The following LRMDA variants were observed in gnomAD, a reference collection of about 807,000 sequenced individuals.
LRMDA encodes leucine rich melanocyte differentiation associated, also known as leucine-rich melanocyte differentiation-associated protein.
In LRMDA, 18 loss-of-function variants were observed where a neutral mutation model predicts 29.8. The observed-to-expected ratio is 0.60, with a 90% CI of 0.42 to 0.90. LRMDA has a LOEUF of 0.90. LRMDA is among the 40% of genes least tolerant of loss of function. LRMDA has a pLI of 0.00. For synonymous variants in LRMDA, 125 were observed against 109.4 expected, an observed-to-expected ratio of 1.14 and a Z score of -0.89; for missense variants, 273 against 273.9, an observed-to-expected ratio of 1.00 and a Z score of 0.02.
At chr10:76,199,869 A>G (rs969590252) in intron 5 of LRMDA, among the ~76,000 whole-genome samples, 1 of 152,234 alleles carries the variant, frequency 6.6e-6, no homozygotes, top group African/African-American at 2.4e-5. Flanking sequence ...TGTGATGCAC[A>G]TTGAAACCTC....
At chr10:75,683,252 G>T (rs1175463580) in intron 2 of LRMDA, among the ~76,000 whole-genome samples, 1 of 152,124 alleles carries the variant, frequency 6.6e-6, no homozygotes, top group African/African-American at 2.4e-5. Flanking sequence ...AATTTCCTAG[G>T]CTCTCATGGT....
chr10:76,469,818 A>C (rs1842599992), intron 6 of LRMDA, among the ~76,000 whole-genome samples: 1 of 152,080 alleles, frequency 6.6e-6, no homozygotes, highest in Non-Finnish European at 1.5e-5. Context: ...TAGCCTCAAA[A>C]ACTTCCCCTA....
At chr10:75,495,804 G>T (rs1433711967) in intron 2 of LRMDA, among the ~76,000 whole-genome samples, 1 of 152,226 alleles carries the variant, frequency 6.6e-6, no homozygotes, top group Non-Finnish European at 1.5e-5. Context: ...CCTCGGGGTG[G>T]CTGGATTTTT....
At chr10:76,288,449 A>G (rs1053884186) in intron 5 of LRMDA, among the ~76,000 whole-genome samples, 1 of 152,212 alleles carries the variant, frequency 6.6e-6, no homozygotes, top group Non-Finnish European at 1.5e-5. Flanking sequence ...ATGGAATACT[A>G]TGCAGCCACA....
At chr10:75,678,089 T>C (rs1258143837) in intron 2 of LRMDA, among the ~76,000 whole-genome samples, 1 of 152,078 alleles carries the variant, frequency 6.6e-6, no homozygotes, top group African/African-American at 2.4e-5. Flanking sequence ...CACACAGAAA[T>C]ATTCATACAT....
intron 5 of LRMDA, among the ~76,000 whole-genome samples, chr10:76,094,305 A>G (rs1849279979): frequency 6.6e-6 from 1 of 152,246 alleles, no homozygotes; most frequent in Non-Finnish European, 1.5e-5. Flanking sequence ...AATAAAGCTT[A>G]TATTTAGAAA....
intron 6 of LRMDA, among the ~76,000 whole-genome samples, chr10:76,372,161 T>C (rs1430808196): frequency 1.3e-5 from 2 of 152,172 alleles, no homozygotes; most frequent in African/African-American, 4.8e-5. Flanking sequence ...GTAAGATGGG[T>C]ATCAGTTCAC....
At chr10:76,304,788 G>A (rs1564717422) in intron 5 of LRMDA, among the ~76,000 whole-genome samples, 2 of 152,220 alleles carry the variant, frequency 1.3e-5, no homozygotes, top group Non-Finnish European at 2.9e-5. Flanking sequence ...GGCAAAGCAT[G>A]TTGGGAGGGA....
At chr10:75,947,536 G>A (rs948288694) in intron 2 of LRMDA, among the ~76,000 whole-genome samples, 4 of 152,196 alleles carry the variant, frequency 2.6e-5, no homozygotes, top group Non-Finnish European at 5.9e-5. Flanking sequence ...GGGAAGGGGA[G>A]GGACCCTTGG....
chr10:76,546,759 AC>A (rs1338782498), intron 6 of LRMDA, among the ~76,000 whole-genome samples: 2 of 151,136 alleles, frequency 1.3e-5, no homozygotes, highest in Non-Finnish European at 2.9e-5. Flanking sequence ...AGAATGTTAT[AC>A]CTTTATTGCT....
intron 2 of LRMDA, among the ~76,000 whole-genome samples, chr10:75,642,054 T>A (rs1841460689): frequency 6.6e-6 from 1 of 152,056 alleles, no homozygotes; most frequent in African/African-American, 2.4e-5. Flanking sequence ...CATCCAAGGG[T>A]CTCTTTCCTT....
intron 6 of LRMDA, among the ~76,000 whole-genome samples, chr10:76,330,541 A>G (rs904540012): frequency 3.3e-5 from 5 of 152,164 alleles, no homozygotes; most frequent in African/African-American, 1.2e-4. Flanking sequence ...TTTAAGGGAT[A>G]GGATTCTAGT....
intron 5 of LRMDA, among the ~76,000 whole-genome samples, chr10:76,221,138 A>G (rs1210240080): frequency 2.6e-5 from 4 of 152,034 alleles, no homozygotes; most frequent in East Asian, 1.9e-4. Flanking sequence ...AATAAGAGCT[A>G]TCTATGACAA....
chr10:75,612,441 G>C (rs1473865297), intron 2 of LRMDA, among the ~76,000 whole-genome samples: 3 of 151,934 alleles, frequency 2.0e-5, no homozygotes, highest in African/African-American at 7.3e-5. Context: ...TATAATACTT[G>C]AATGATCTTT....
intron 5 of LRMDA, among the ~76,000 whole-genome samples, chr10:76,314,563 C>T (rs1840668643): frequency 6.6e-6 from 1 of 152,130 alleles, no homozygotes; most frequent in South Asian, 2.1e-4. Context: ...GACTGCACAT[C>T]ATTATATAGT....
chr10:76,104,845 C>T (rs536194572), intron 5 of LRMDA, among the ~76,000 whole-genome samples: 4 of 152,218 alleles, frequency 2.6e-5, no homozygotes, highest in Admixed American at 2.0e-4. Flanking sequence ...TGCCCTGTCT[C>T]ATGTCCCTGC....
chr10:76,547,812 A>G (rs2132392206), intron 6 of LRMDA, among the ~76,000 whole-genome samples: 1 of 152,250 alleles, frequency 6.6e-6, no homozygotes, highest in Non-Finnish European at 1.5e-5. Context: ...GCACTTCACA[A>G]ATCTGAAGGG....
intron 5 of LRMDA, among the ~76,000 whole-genome samples, chr10:76,264,069 A>C (rs191638167): frequency 6.6e-6 from 1 of 152,212 alleles, no homozygotes; most frequent in East Asian, 1.9e-4. Context: ...TCCCCCTTTT[A>C]GCAGTAATTT....
intron 2 of LRMDA, among the ~76,000 whole-genome samples, chr10:75,538,793 G>C (rs1054566623): frequency 6.6e-6 from 1 of 152,198 alleles, no homozygotes; most frequent in Non-Finnish European, 1.5e-5. Context: ...TTGATCTTCA[G>C]ACCCCCAAGG....
Sources: gnomAD v4.1 joint callset for allele counts (sites outside exome capture counted in the v4.1 genomes callset) on GRCh38, gnomAD v4.1.1 for gene constraint, MANE v1.5 for transcripts, NCBI Gene and HGNC (gene_info 2026-07-23, HGNC 2026-07-21) for gene names.